Variants in ASPRV1 observed in about 807,000 individuals in gnomAD.
The protein encoded by ASPRV1 is retroviral-like aspartic protease 1.
In ASPRV1, 7 loss-of-function variants were observed where a neutral mutation model predicts 11.0. The observed-to-expected ratio is 0.64, with a 90% CI of 0.36 to 1.20. The LOEUF is 1.20. Ranked by LOEUF, ASPRV1 falls within the 50% of genes most tolerant of loss-of-function variation. The pLI is 0.02. For synonymous variants in ASPRV1, 136 were observed against 138.4 expected (o/e 0.98, Z 0.12); for missense variants, 299 against 320.0 (o/e 0.93, Z 0.50).
At chr2:70,024,843 C>T in the ASPRV1 span, among the ~76,000 whole-genome samples, 7 of 152,120 alleles carry the variant, frequency 4.6e-5, no homozygotes, top group Non-Finnish European at 1.0e-4. Flanking sequence ...GCCTGTCTTG[C>T]CCCATTCCCC....
In ASPRV1 at chr2:69,960,421, C is replaced by T. The variant is rs1487157063; in HGVS notation, c.*236G>A. 2 of 515,576 alleles carry T rather than the reference C, an allele frequency of 3.9e-6. No homozygotes were observed. Among genetic ancestry groups the T allele is most frequent in the Admixed American group, 3.2e-5 (1 of 30,922 alleles). 31.9% of individuals were successfully genotyped at this position (515,576 alleles called of 1,614,324 possible). A position where few individuals can be genotyped will look rare whatever the true frequency, so the allele number is the denominator to read the frequency against. On this transcript the variant is annotated 3_prime_UTR_variant, in exon 1 of 1. Coordinates refer to ENST00000320256, the MANE Select transcript of ASPRV1 (RefSeq NM_152792.4). ...TTGTCATCAACAGCAGCTTGATGAC[C>T]ATGGGGACCCTGTCCCTCTAAGCCA... is the stretch of plus-strand genomic sequence containing the variant.
chr2:69,961,823 G>T (rs1022098967), upstream of ASPRV1: 28 of 1,004,320 alleles, frequency 2.8e-5, no homozygotes, highest in Non-Finnish European at 4.0e-5. Context: ...CCCAAGAAAG[G>T]CCAGCCTCTG....
the ASPRV1 span, among the ~76,000 whole-genome samples, chr2:69,967,992 G>T: frequency 6.6e-6 from 1 of 152,130 alleles, no homozygotes; most frequent in African/African-American, 2.4e-5. Flanking sequence ...TGAGGCAGGA[G>T]AATTGCTTGA....
At chr2:70,039,095 AC>A in the ASPRV1 span, among the ~76,000 whole-genome samples, 12 of 152,002 alleles carry the variant, frequency 7.9e-5, no homozygotes, top group African/African-American at 2.7e-4. Context: ...AAAAAAAAAA[AC>A]AAAGCCAACA....
chr2:70,004,316 G>A, the ASPRV1 span, among the ~76,000 whole-genome samples: 4 of 152,040 alleles, frequency 2.6e-5, no homozygotes, highest in African/African-American at 7.2e-5. Flanking sequence ...CGGATGACGA[G>A]GTCAGGAGAT....
the ASPRV1 span, chr2:69,988,677 GA>G: frequency 2.4e-6 from 1 of 422,306 alleles, no homozygotes; most frequent in Non-Finnish European, 4.8e-6. Context: ...TAAAATGGTC[GA>G]TTTTATGTTA....
chr2:70,053,283 A>G, the ASPRV1 span, among the ~76,000 whole-genome samples: 3 of 152,182 alleles, frequency 2.0e-5, no homozygotes, highest in East Asian at 3.9e-4. Context: ...TTCTTGTTTG[A>G]GCATAATGCC....
the ASPRV1 span, among the ~76,000 whole-genome samples, chr2:70,012,927 T>C: frequency 1.3e-5 from 2 of 152,220 alleles, no homozygotes; most frequent in Non-Finnish European, 1.5e-5. Context: ...TGTCACCTCA[T>C]AGAAAACAAC....
the ASPRV1 span, among the ~76,000 whole-genome samples, chr2:69,999,516 G>A: frequency 6.6e-6 from 1 of 151,852 alleles, no homozygotes; most frequent in Non-Finnish European, 1.5e-5. Flanking sequence ...ACTAGCCGGT[G>A]TGGTGGGGGC....
chr2:69,971,290 A>G, the ASPRV1 span: 3 of 152,196 alleles, frequency 2.0e-5, no homozygotes, highest in African/African-American at 7.2e-5. Context: ...TATGTGTAAT[A>G]TACTCTGATA....
At chr2:69,983,050 C>T in the ASPRV1 span, among the ~76,000 whole-genome samples, 2 of 152,190 alleles carry the variant, frequency 1.3e-5, no homozygotes, top group South Asian at 2.1e-4. Flanking sequence ...TCCCGAGTAG[C>T]TGGGATTACA....
the ASPRV1 span, among the ~76,000 whole-genome samples, chr2:70,027,312 G>C: frequency 1.4e-5 from 2 of 145,488 alleles, no homozygotes; most frequent in East Asian, 2.0e-4. Flanking sequence ...ATGTAAGTTA[G>C]TATAGCCACT....
the ASPRV1 span, among the ~76,000 whole-genome samples, chr2:69,944,614 A>C: frequency 6.6e-6 from 1 of 152,202 alleles, no homozygotes; most frequent in African/African-American, 2.4e-5. Flanking sequence ...GCTGTGCCAA[A>C]TTGTCATCAG....
At chr2:69,998,514 G>A in the ASPRV1 span, among the ~76,000 whole-genome samples, 3 of 152,116 alleles carry the variant, frequency 2.0e-5, no homozygotes, top group Non-Finnish European at 2.9e-5. Context: ...GGCTGAGGCG[G>A]GTGGATCACG....
the ASPRV1 span, among the ~76,000 whole-genome samples, chr2:70,055,041 G>A: frequency 2.0e-5 from 3 of 152,112 alleles, no homozygotes; most frequent in Admixed American, 6.5e-5. Context: ...GGTGGCTCAC[G>A]CCTATAATCC....
At chr2:70,026,480 G>A in the ASPRV1 span, among the ~76,000 whole-genome samples, 2 of 150,882 alleles carry the variant, frequency 1.3e-5, no homozygotes, top group African/African-American at 4.9e-5. Context: ...AAAACTGTTA[G>A]AAGTCAACAA....
At chr2:69,990,778 C>G in the ASPRV1 span, among the ~76,000 whole-genome samples, 1 of 152,110 alleles carries the variant, frequency 6.6e-6, no homozygotes, top group Admixed American at 6.6e-5. Context: ...CTCCTCCCAG[C>G]TGCCTGGACA....
chr2:70,068,343 G>T, the ASPRV1 span, among the ~76,000 whole-genome samples: 2 of 152,224 alleles, frequency 1.3e-5, no homozygotes, highest in Non-Finnish European at 2.9e-5. Flanking sequence ...GGGTGAAGTG[G>T]TAAGGAGTGG....
chr2:70,081,469 T>C, the ASPRV1 span: 1 of 150,386 alleles, frequency 6.6e-6, no homozygotes, highest in Non-Finnish European at 1.5e-5. Flanking sequence ...CACTCCATCC[T>C]GGTGACACAG....
Sources: gnomAD v4.1 joint callset for allele counts (sites outside exome capture counted in the v4.1 genomes callset) on GRCh38, gnomAD v4.1.1 for gene constraint, MANE v1.5 for transcripts, NCBI Gene and HGNC (gene_info 2026-07-23, HGNC 2026-07-21) for gene names.